The following KAZN variants were observed in gnomAD, a reference collection of about 807,000 sequenced individuals.
KAZN encodes the protein kazrin, periplakin interacting protein, also known as kazrin.
KAZN carries 40 observed loss-of-function variants against 87.4 expected under a neutral mutation model. That is an observed-to-expected ratio of 0.46 (90% confidence interval 0.36 to 0.60). The LOEUF (loss-of-function observed/expected upper bound fraction) is 0.60, where lower values mean the gene tolerates loss of function less well. KAZN is among the 20% of genes least tolerant of loss of function. KAZN has a pLI of 0.00. For synonymous variants in KAZN, 466 were observed against 458.3 expected (o/e 1.02, Z -0.22); for missense variants, 898 against 1,073.9 (o/e 0.84, Z 2.29).
chr1:14,989,092 C>T (rs1386266783), intron 2 of KAZN, among the ~76,000 whole-genome samples: 3 of 152,236 alleles, frequency 2.0e-5, no homozygotes, highest in East Asian at 3.8e-4. Flanking sequence ...CCTGGAGCCT[C>T]ATGTACCTGC....
chr1:14,689,193 T>A (rs1015553283), intron 1 of KAZN, among the ~76,000 whole-genome samples: 1 of 147,760 alleles, frequency 6.8e-6, no homozygotes, highest in East Asian at 2.1e-4. Flanking sequence ...AGACTCTGTC[T>A]CAAAACAAAA....
rs1032077252 is a variant in KAZN at position 14,649,546 on chromosome 1, G to A, written c.226+50323G>A. Among the ~76,000 whole-genome samples the A allele has an allele frequency of 7.2e-5, 11 of 152,174 alleles. No homozygotes were observed. The East Asian group carries it at 1.9e-3, about 27-fold the overall frequency. On this transcript the variant is annotated intron_variant, in intron 1 of 14. Coordinates refer to ENST00000376030, the MANE Select transcript of KAZN (RefSeq NM_201628.3). ...TTTACTCATTACAGTGACCAAGGAT[G>A]TATATAAACACATGCAGCCGAAAGA... is the stretch of plus-strand genomic sequence containing the variant.
At chr1:14,630,984 A>T (rs1679518972) in intron 1 of KAZN, among the ~76,000 whole-genome samples, 1 of 152,226 alleles carries the variant, frequency 6.6e-6, no homozygotes, top group African/African-American at 2.4e-5. Context: ...GTATACGTTG[A>T]TTACCCCTTC....
rs1041803946 is a variant in KAZN, at chr1:13,929,214, A to G, written c.91+35458A>G. Among the ~76,000 whole-genome samples, 9 of 152,120 alleles carry G rather than the reference A, an allele frequency of 5.9e-5. No homozygotes were observed. In the East Asian group the frequency reaches 9.7e-4, roughly 16 times the overall value. ...GGATTACAAGCACGAGCCTGGCCCA[A>G]GGGTCTTTGATTCTAAGGTGGAGTT... is the stretch of plus-strand genomic sequence containing the variant. On this transcript the variant is annotated intron_variant, in intron 1 of 16. Coordinates refer to the KAZN transcript ENST00000636203.
At position 13,911,026 on chromosome 1, in the gene KAZN, A is replaced by G. The variant is rs938274447; in HGVS notation, c.91+17270A>G. 3.9e-4 allele frequency among the ~76,000 whole-genome samples: 59 copies of G among 152,144 alleles called. No homozygotes were observed. In the Middle Eastern group the frequency reaches 0.014, roughly 35 times the overall value. On this transcript the variant is annotated intron_variant, in intron 1 of 16. Coordinates refer to the KAZN transcript ENST00000636203. ...GAAGACAGGAACAAGAGAGAGATGG[A>G]GGAAATGGCACACACTTTTGTTTTG...
intron 1 of KAZN, among the ~76,000 whole-genome samples, chr1:14,649,029 A>G (rs925097372): frequency 6.6e-6 from 1 of 152,238 alleles, no homozygotes; most frequent in African/African-American, 2.4e-5. Flanking sequence ...ATGATTTCCC[A>G]AACCACTTGG....
intron 1 of KAZN, among the ~76,000 whole-genome samples, chr1:14,134,517 C>T (rs747736802): frequency 7.9e-5 from 12 of 152,092 alleles, no homozygotes; most frequent in African/African-American, 1.2e-4. Flanking sequence ...CAAACTCATG[C>T]GGCCATACAG....
intron 1 of KAZN, among the ~76,000 whole-genome samples, chr1:14,807,121 AAG>A (rs1646248180): frequency 1.3e-5 from 2 of 152,138 alleles, no homozygotes; most frequent in Admixed American, 1.3e-4. Context: ...GGGGCTTGAG[AAG>A]TGGGCCCAGC....
chr1:14,221,258 A>G (rs527479670), intron 2 of KAZN, among the ~76,000 whole-genome samples: 26 of 152,260 alleles, frequency 1.7e-4, no homozygotes, highest in Non-Finnish European at 2.9e-4. Context: ...CTATATTCGA[A>G]AGGTAAGTAT....
chr1:14,377,035 TG>T (rs1660967033), intron 2 of KAZN, among the ~76,000 whole-genome samples: 1 of 149,896 alleles, frequency 6.7e-6, no homozygotes, highest in South Asian at 2.2e-4. Context: ...GGAGAAGAAA[TG>T]TCTTCCTGCA....
chr1:14,058,491 A>G (rs549522445), intron 1 of KAZN, among the ~76,000 whole-genome samples: 19 of 152,330 alleles, frequency 1.2e-4, no homozygotes, highest in Non-Finnish European at 2.6e-4. Context: ...ACATGACACC[A>G]AGTCACATAA....
intron 1 of KAZN, among the ~76,000 whole-genome samples, chr1:14,755,086 G>GAAAAAAAA (rs763767893): frequency 2.0e-5 from 1 of 49,998 alleles, no homozygotes; most frequent in Non-Finnish European, 3.8e-5. Context: ...TACTAAAAAT[G>GAAAAAAAA]CAAAAAAAAA....
chr1:14,327,000 A>G (rs1258462965), intron 2 of KAZN, among the ~76,000 whole-genome samples: 1 of 152,120 alleles, frequency 6.6e-6, no homozygotes, highest in Non-Finnish European at 1.5e-5. Context: ...CATCAGCTCT[A>G]TGAGAACAAG....
intron 2 of KAZN, among the ~76,000 whole-genome samples, chr1:14,539,699 T>A (rs1672697839): frequency 6.6e-6 from 1 of 152,046 alleles, no homozygotes; most frequent in South Asian, 2.1e-4. Context: ...AAATGAAGAA[T>A]GAGTATGTTC....
intron 2 of KAZN, among the ~76,000 whole-genome samples, chr1:14,401,644 C>A (rs944026019): frequency 2.6e-5 from 4 of 151,834 alleles, no homozygotes; most frequent in African/African-American, 9.7e-5. Flanking sequence ...GGTGAAACCC[C>A]ATCTCTACAA....
Position 14,773,291 on chromosome 1 carries a change from A to G in KAZN, c.226+174068A>G, listed in dbSNP as rs1645072860. On this transcript the variant is annotated intron_variant, in intron 1 of 14. Coordinates refer to ENST00000376030, the MANE Select transcript of KAZN (RefSeq NM_201628.3). This position sits in a 1 kb window ranked among gnomAD's most constrained non-coding sequence, Gnocchi z 5.9. ...GAGCTACAGTGGGACTGTGGCACACAGTGGTGGCCTGGCGTATGAGAAGAC... is the reference window on the plus strand; with the variant it reads ...GAGCTACAGTGGGACTGTGGCACACGGTGGTGGCCTGGCGTATGAGAAGAC... Among the ~76,000 whole-genome samples, 1 of 152,152 alleles carries G rather than the reference A, an allele frequency of 6.6e-6. No individual in the cohort carries two copies. Among genetic ancestry groups the G allele is most frequent in the Non-Finnish European group, 1.5e-5 (1 of 68,014 alleles).
chr1:14,365,376 G>A (rs893291992), intron 2 of KAZN, among the ~76,000 whole-genome samples: 1 of 149,396 alleles, frequency 6.7e-6, no homozygotes, highest in African/African-American at 2.4e-5. Context: ...GGTGGGGGGG[G>A]GGGGGGTCTT....
chr1:13,955,093 A>G (rs938782281), intron 1 of KAZN, among the ~76,000 whole-genome samples: 5 of 152,200 alleles, frequency 3.3e-5, no homozygotes, highest in African/African-American at 1.2e-4. Context: ...TCATTTTTGC[A>G]TACCTGCACT....
intron 1 of KAZN, among the ~76,000 whole-genome samples, chr1:14,677,962 G>A (rs1424158159): frequency 2.0e-5 from 3 of 152,194 alleles, no homozygotes; most frequent in African/African-American, 4.8e-5. Context: ...CTGTTTGGGG[G>A]CCCTGAGCTG....
Sources: allele counts gnomAD v4.1 joint callset (sites outside exome capture counted in the v4.1 genomes callset), GRCh38; gene constraint gnomAD v4.1.1; non-coding constraint Gnocchi (gnomAD v3.1); transcripts MANE v1.5; gene names NCBI Gene and HGNC (gene_info 2026-07-23, HGNC 2026-07-21).